ASPM: variants seen among roughly 807,000 people sequenced by gnomAD.
ASPM encodes assembly factor for spindle microtubules.
In ASPM, 256 loss-of-function variants were observed where a neutral mutation model predicts 366.4. That is an observed-to-expected ratio of 0.70 (90% CI 0.63 to 0.77). The LOEUF is 0.77. Ranked by LOEUF, ASPM falls within the 30% of genes least tolerant of loss-of-function variation. ASPM has a pLI of 0.00. For missense variants in ASPM, 4,146 were observed against 4,090.4 expected (o/e 1.01, Z -0.37); for synonymous variants, 1,414 against 1,342.9 (o/e 1.05, Z -1.16).
At position 197,100,471 on chromosome 1, in the gene ASPM, C is replaced by T. The variant is rs773437954; in HGVS notation, c.8780G>A (p.Arg2927Gln). Residue 2927 changes from arginine (R) to glutamine (Q), a missense_variant, in exon 18 of 28, where the codon CGG becomes CAG. Arg to Gln is a conservative substitution (Grantham distance 43). Coordinates refer to ENST00000367409, the MANE Select transcript of ASPM (RefSeq NM_018136.5). Reference sequence around the variant, plus strand: ...GCTATTTTTAATTTCCTGAAACTTCCGTTTCTGTATAAATCCTTTACTTCT... The same window carrying T: ...GCTATTTTTAATTTCCTGAAACTTCTGTTTCTGTATAAATCCTTTACTTCT... ...QARSKGFIQK[R>Q]KFQEIKNSTI... is the part of the protein sequence containing the mutation. 2.5e-5 allele frequency: 40 copies of T among 1,573,988 alleles called. No homozygotes were observed. In the East Asian group the frequency reaches 3.4e-4, roughly 13 times the overall value.
intron 17 of ASPM, among the ~76,000 whole-genome samples, chr1:197,108,002 T>C (rs950987848): frequency 5.3e-5 from 8 of 152,066 alleles, no homozygotes; most frequent in Non-Finnish European, 1.5e-5. Flanking sequence ...CCTCTGACCA[T>C]GATAGACCAT....
At chr1:197,139,719 T>C in intron 4 of ASPM, 48 bp downstream of exon 4, 2 of 1,349,708 alleles carry the variant, frequency 1.5e-6, no homozygotes, top group Non-Finnish European at 2.1e-6. Context: ...AATTAATGCT[T>C]CATTCGATGT....
At chr1:197,139,615 T>C (rs987653025) in intron 4 of ASPM, 152 bp downstream of exon 4, 12 of 707,518 alleles carry the variant, frequency 1.7e-5, no homozygotes, top group Non-Finnish European at 2.7e-5. Flanking sequence ...AAACAGAAAG[T>C]TGACACAATA....
At chr1:197,092,086 G>C in intron 21 of ASPM, 30 bp from the exon 22 acceptor site, 1 of 1,608,756 alleles carries the variant, frequency 6.2e-7, no homozygotes, top group South Asian at 1.1e-5. Flanking sequence ...GCATATTCAA[G>C]TATCTGCCTC....
intron 4 of ASPM, chr1:197,138,690 T>C (rs537438432): frequency 1.9e-5 from 12 of 625,648 alleles, no homozygotes; most frequent in Non-Finnish European, 3.1e-5. Context: ...ACAAATACAA[T>C]CACAGGAAGC....
At chr1:197,095,366 G>A (rs6700180) in intron 19 of ASPM, among the ~76,000 whole-genome samples, 66,957 of 151,384 alleles carry the variant, frequency 0.44, 16,558 homozygotes, top group East Asian at 0.82. Context: ...TCACACTAGT[G>A]TGCCTTCCTA....
Position 197,103,387 on chromosome 1 carries a change from T to G in ASPM, c.5864A>C (p.Gln1955Pro), listed in dbSNP as rs1657272310. The change falls in exon 18 of 28, where the codon CAA becomes CCA. Residue 1955 changes from glutamine (Q) to proline (P), a missense_variant. Physicochemically the swap from Gln to Pro is moderately conservative, Grantham distance 76 (BLOSUM62 -1). Transcript: ENST00000367409. ...CAGTGTTTTTCCCTTCCACATAGATTGAAGCACCAGTACCGCATGACGGAG... is the reference window on the plus strand; with the variant it reads ...CAGTGTTTTTCCCTTCCACATAGATGGAAGCACCAGTACCGCATGACGGAG... Reference protein sequence around the residue: ...IELRHAVLVLQSMWKGKTLRR... With the variant: ...IELRHAVLVLPSMWKGKTLRR... 1 of 1,613,208 alleles carries G rather than the reference T, an allele frequency of 6.2e-7. No individual in the cohort carries two copies. The highest frequency in any genetic ancestry group is 8.5e-7 in the Non-Finnish European group (1 of 1,179,524).
chr1:197,105,249 A>G, intron 17 of ASPM, 64 bp from the exon 18 acceptor site: 1 of 1,257,294 alleles, frequency 8.0e-7, no homozygotes, highest in South Asian at 1.3e-5. Context: ...AACACTTTTC[A>G]AAATACTAAT....
rs1462049343 is a variant in ASPM at position 197,088,443 on chromosome 1, A to G, written c.9985-11T>C. On this transcript the variant is annotated splice_polypyrimidine_tract_variant and intron_variant, in intron 25 of 27. Transcript: ENST00000367409. ...AGTAGTTTTCTCATACTTGAAGAGA[A>G]CAGAATGAAATTAAAAGTTGTAATA... 6.3e-7 allele frequency: 1 copy of G among 1,580,740 alleles called. No homozygotes were observed.
intron 10 of ASPM, 123 bp from the exon 11 acceptor site, chr1:197,125,314 C>G: frequency 8.6e-7 from 1 of 1,168,722 alleles, no homozygotes; most frequent in Non-Finnish European, 1.2e-6. Flanking sequence ...ATCAGAAAGA[C>G]TTCAAAAAAC....
rs1658323467 is a variant in ASPM at position 197,133,428 on chromosome 1, C to T, written c.2341G>A (p.Ala781Thr). ...ATTTCAATTTCAAGCTTTTTAATAG[C>T]TTTAACCATTTTTTCAGAAGTAAAC... is the stretch of plus-strand genomic sequence containing the variant. ...RLFTSEKMVK[A>T]IKKLEIEIEA... The change falls in exon 6 of 28, where the codon GCT becomes ACT. Residue 781 changes from alanine (A) to threonine (T), a missense_variant. Physicochemically the swap from Ala to Thr is moderately conservative, Grantham distance 58. Coordinates refer to ENST00000367409, the MANE Select transcript of ASPM (RefSeq NM_018136.5). 1.2e-6 allele frequency: 2 copies of T among 1,614,020 alleles called. No homozygotes were observed. Among genetic ancestry groups the T allele is most frequent in the Non-Finnish European group, 1.7e-6 (2 of 1,179,970 alleles).
intron 10 of ASPM, among the ~76,000 whole-genome samples, chr1:197,125,957 T>C (rs891833256): frequency 2.6e-5 from 4 of 152,148 alleles, no homozygotes; most frequent in Admixed American, 1.3e-4. Context: ...ATGGCATTAA[T>C]AGAGTAACCA....
chr1:197,088,112 T>G, intron 26 of ASPM, 144 bp downstream of exon 26: 1 of 786,170 alleles, frequency 1.3e-6, no homozygotes, highest in Non-Finnish European at 2.0e-6. Flanking sequence ...ACATCCTGAA[T>G]TCATTTTATC....
At position 197,127,712 on chromosome 1, in the gene ASPM, T is replaced by C. The variant is rs115527514; in HGVS notation, c.2936+778A>G. Among the ~76,000 whole-genome samples, 1,128 of 152,300 alleles carry C rather than the reference T, an allele frequency of 7.4e-3. 13 individuals carry two copies. The highest frequency in any genetic ancestry group is 0.026 in the African/African-American group (1,071 of 41,542). ...TGTTATTGAGGAAATATTGTGTAAT[T>C]TGAAGTCAGATTTCATGAGTTTATG... On this transcript the variant is annotated intron_variant, in intron 10 of 27. Transcript: ENST00000367409.
intron 6 of ASPM, 86 bp from the exon 7 acceptor site, chr1:197,132,438 G>A (rs1658286097): frequency 5.6e-6 from 6 of 1,078,218 alleles, no homozygotes; most frequent in African/African-American, 1.6e-5. Context: ...TATATCAGTG[G>A]GAAAAAAATA....
In ASPM at chr1:197,104,500, TTC is replaced by T; in HGVS notation, c.4749_4750del (p.Lys1584AspfsTer19). 6.2e-7 allele frequency: 1 copy of T among 1,612,558 alleles called. No individual in the cohort carries two copies. Among genetic ancestry groups the T allele is most frequent in the Non-Finnish European group, 8.5e-7 (1 of 1,179,272 alleles). On this transcript the variant is annotated frameshift_variant, in exon 18 of 28. Transcript: ENST00000367409. LOFTEE classifies it high-confidence loss of function. ...ATGTGCCTGAAATTTGATAATAGTCTTCTTAAGGTTTAAAAATCGAACTCTGT... is the reference window on the plus strand; with the variant it reads ...ATGTGCCTGAAATTTGATAATAGTCTTTAAGGTTTAAAAATCGAACTCTGT...
At chr1:197,139,703 A>T (rs1436044749) in intron 4 of ASPM, 64 bp downstream of exon 4, 32 of 1,222,246 alleles carry the variant, frequency 2.6e-5, no homozygotes, top group Non-Finnish European at 3.6e-5. Context: ...TTTCCATGTG[A>T]AATGCAATTA....
At position 197,124,878 on chromosome 1, in the gene ASPM, C is replaced by A. The variant is rs1658035363; in HGVS notation, c.3160G>T (p.Ala1054Ser). ...TLRLLWKIAF[A>S]FQVDISLNLD... ...TACCAAATGTATAATACCTGAAAAG[C>A]AAACGCTATTTTCCAAAGCAACCTG... is the stretch of plus-strand genomic sequence containing the variant. The change falls in exon 12 of 28, where the codon GCT becomes TCT. Residue 1054 changes from alanine to serine, a missense_variant. Physicochemically the swap from Ala to Ser is moderately conservative, Grantham distance 99. This residue lies in a region of ASPM where 3,624 missense variants were observed against 3,591.7 expected (regional missense o/e 1.01). Coordinates refer to ENST00000367409, the MANE Select transcript of ASPM (RefSeq NM_018136.5). 6.2e-7 allele frequency: 1 copy of A among 1,602,858 alleles called. No homozygotes were observed. The highest frequency in any genetic ancestry group is 8.5e-7 in the Non-Finnish European group (1 of 1,170,820).
In ASPM at chr1:197,103,580, G is replaced by A. The variant is rs779071897; in HGVS notation, c.5671C>T (p.Arg1891Trp). 2.9e-5 allele frequency: 47 copies of A among 1,612,582 alleles called. No individual in the cohort carries two copies. Among genetic ancestry groups the A allele is most frequent in the Admixed American group, 2.7e-4 (16 of 59,726 alleles). Reference sequence around the variant, plus strand: ...TGATGTTCCCTTCTAATCTGTTTCCGAACCTTCCAGCCACGATAAGCAGAC... The same window carrying A: ...TGATGTTCCCTTCTAATCTGTTTCCAAACCTTCCAGCCACGATAAGCAGAC... ...LQSAYRGWKV[R>W]KQIRREHQAA... Residue 1891 changes from arginine (R) to tryptophan (W), a missense_variant, in exon 18 of 28, where the codon CGG (arginine) becomes TGG (tryptophan). Arg to Trp is a moderately radical substitution (Grantham distance 101). Coordinates refer to ENST00000367409, the MANE Select transcript of ASPM (RefSeq NM_018136.5).
Sources: gnomAD v4.1 joint callset for allele counts (sites outside exome capture counted in the v4.1 genomes callset) on GRCh38, gnomAD v4.1.1 for gene constraint, gnomAD v4.1.1 regional missense constraint, MANE v1.5 for transcripts, NCBI Gene and HGNC (gene_info 2026-07-23, HGNC 2026-07-21) for gene names.